DIS3L2: variants seen among roughly 807,000 people sequenced by gnomAD.
DIS3L2 encodes the protein DIS3 like 3'-5' exoribonuclease 2, also known as DIS3-like exonuclease 2.
Under a neutral mutation model 97.5 loss-of-function variants are expected in DIS3L2, and 34 were observed. The observed-to-expected ratio is 0.35, with a 90% CI of 0.27 to 0.46. The LOEUF is 0.46. DIS3L2 is among the 20% of genes least tolerant of loss of function. The probability of loss-of-function intolerance (pLI) is 1.00; values close to 1 mark genes in which losing one functional copy is unlikely to be tolerated. For missense variants in DIS3L2, 1,038 were observed against 1,146.0 expected (o/e 0.91, Z 1.36); for synonymous variants, 435 against 445.2 (o/e 0.98, Z 0.29).
chr2:232,027,217 A>G (rs13390717), intron 4 of DIS3L2, among the ~76,000 whole-genome samples: 2,933 of 152,286 alleles, frequency 0.019, 92 homozygotes, highest in African/African-American at 0.067. Flanking sequence ...TATCCATGTC[A>G]AATATGAACT....
chr2:232,079,549 G>A (rs1249071178), intron 5 of DIS3L2, among the ~76,000 whole-genome samples: 3 of 136,998 alleles, frequency 2.2e-5, no homozygotes, highest in Non-Finnish European at 3.0e-5. Context: ...GCAGTGAGCC[G>A]AGATTGCGCC....
chr2:232,166,134 A>C (rs1356834125), intron 9 of DIS3L2, among the ~76,000 whole-genome samples: 3 of 150,600 alleles, frequency 2.0e-5, no homozygotes, highest in African/African-American at 7.3e-5. Flanking sequence ...AGCCAGGCAC[A>C]GTGGTGTGTG....
intron 13 of DIS3L2, among the ~76,000 whole-genome samples, chr2:232,286,180 C>CT (rs967027337): frequency 2.0e-5 from 3 of 152,118 alleles, no homozygotes; most frequent in South Asian, 2.1e-4. Flanking sequence ...GCCTTGGAAG[C>CT]TTTTTTTCAG....
chr2:232,256,162 G>T (rs187875115), intron 12 of DIS3L2, among the ~76,000 whole-genome samples: 1 of 152,286 alleles, frequency 6.6e-6, no homozygotes, highest in East Asian at 1.9e-4. Flanking sequence ...CCCTTACAAT[G>T]GTAACTTTTT....
At chr2:231,982,571 A>G (rs996831331) in intron 1 of DIS3L2, among the ~76,000 whole-genome samples, 4 of 152,052 alleles carry the variant, frequency 2.6e-5, no homozygotes, top group African/African-American at 4.8e-5. Flanking sequence ...TAGCTCCACT[A>G]TTATATTACC....
At chr2:231,986,943 A>G (rs1325572338) in intron 1 of DIS3L2, among the ~76,000 whole-genome samples, 1 of 152,230 alleles carries the variant, frequency 6.6e-6, no homozygotes, top group Non-Finnish European at 1.5e-5. Flanking sequence ...ATGACTTCAG[A>G]TATTTCATCT....
At chr2:232,197,593 G>A (rs547532793) in intron 9 of DIS3L2, among the ~76,000 whole-genome samples, 4 of 152,142 alleles carry the variant, frequency 2.6e-5, no homozygotes, top group Non-Finnish European at 5.9e-5. Flanking sequence ...GTCAACCACA[G>A]AGAAACTTTT....
intron 13 of DIS3L2, among the ~76,000 whole-genome samples, chr2:232,289,832 T>C (rs1373931996): frequency 1.3e-5 from 2 of 152,192 alleles, no homozygotes; most frequent in African/African-American, 4.8e-5. Flanking sequence ...TGTGGGAGGC[T>C]TCCACAAGGT....
chr2:232,184,331 A>T (rs1691374643), intron 9 of DIS3L2, among the ~76,000 whole-genome samples: 1 of 152,216 alleles, frequency 6.6e-6, no homozygotes, highest in Admixed American at 6.5e-5. Context: ...GGAAAATAAC[A>T]GAAAGAGTGA....
intron 9 of DIS3L2, among the ~76,000 whole-genome samples, chr2:232,206,556 T>C (rs535341294): frequency 2.6e-5 from 4 of 152,312 alleles, no homozygotes; most frequent in African/African-American, 9.6e-5. Flanking sequence ...TTTTAGTCAT[T>C]TAAACATGCA....
At chr2:231,965,296 T>C (rs1349509571) in intron 1 of DIS3L2, among the ~76,000 whole-genome samples, 3 of 152,194 alleles carry the variant, frequency 2.0e-5, no homozygotes, top group Non-Finnish European at 4.4e-5. Context: ...AGCGGTAGTA[T>C]CAGGAATTAC....
intron 7 of DIS3L2, among the ~76,000 whole-genome samples, chr2:232,135,339 T>C (rs1175620928): frequency 6.6e-6 from 1 of 151,824 alleles, no homozygotes; most frequent in East Asian, 1.9e-4. Context: ...AAGGTCTGGG[T>C]GTGGCAGTGC....
chr2:232,029,127 G>T (rs547434703), intron 4 of DIS3L2, among the ~76,000 whole-genome samples: 31 of 152,084 alleles, frequency 2.0e-4, no homozygotes, highest in Non-Finnish European at 4.0e-4. Flanking sequence ...AGAAAAATTT[G>T]AGTGATGATG....
At chr2:232,000,026 G>A (rs552587774) in intron 1 of DIS3L2, among the ~76,000 whole-genome samples, 16 of 151,974 alleles carry the variant, frequency 1.1e-4, no homozygotes, top group African/African-American at 3.9e-4. Context: ...TTAGTTCCAG[G>A]ACTCCTACAG....
chr2:231,977,098 A>G (rs991264195), intron 1 of DIS3L2, among the ~76,000 whole-genome samples: 1 of 152,100 alleles, frequency 6.6e-6, no homozygotes, highest in Non-Finnish European at 1.5e-5. Context: ...AGTGTTGAAT[A>G]CCTCATGTAA....
intron 5 of DIS3L2, among the ~76,000 whole-genome samples, chr2:232,085,714 G>A (rs1407756918): frequency 6.6e-6 from 1 of 152,040 alleles, no homozygotes; most frequent in African/African-American, 2.4e-5. Flanking sequence ...AATAACACCT[G>A]GTGTATTTTA....
intron 12 of DIS3L2, among the ~76,000 whole-genome samples, chr2:232,249,696 A>G (rs1185909251): frequency 6.6e-6 from 1 of 152,230 alleles, no homozygotes; most frequent in African/African-American, 2.4e-5. Flanking sequence ...GCCTGCAGTT[A>G]GGAGAGCAGA....
At chr2:231,971,029 A>G (rs932805094) in intron 1 of DIS3L2, among the ~76,000 whole-genome samples, 2 of 152,190 alleles carry the variant, frequency 1.3e-5, no homozygotes, top group African/African-American at 2.4e-5. Flanking sequence ...TTCCACCTTG[A>G]CATCTTGTCC....
Position 232,263,409 on chromosome 2 carries a change from G to A in DIS3L2, c.1628G>A (p.Arg543His), listed in dbSNP as rs1018058365. ...ATTGCCAAGCAGTTACGCCAGCAGC[G>A]CTTTGTGGACGGCGCACTTCGTTTG... is the stretch of plus-strand genomic sequence containing the variant. Reference protein sequence around the residue: ...HGIAKQLRQQRFVDGALRLDQ... With the variant: ...HGIAKQLRQQHFVDGALRLDQ... The change falls in exon 13 of 21, where the codon CGC becomes CAC. Residue 543 changes from arginine (R) to histidine (H), a missense_variant. By Grantham distance (29) the Arg-to-His change is conservative. Around this residue, in one of 3 missense-constraint regions of DIS3L2, gnomAD observed 813 missense variants for 880.1 expected, o/e 0.92. Coordinates refer to ENST00000325385, the MANE Select transcript of DIS3L2 (RefSeq NM_152383.5). The A allele has an allele frequency of 1.2e-5, 19 of 1,614,024 alleles. No individual in the cohort carries two copies. Among genetic ancestry groups the A allele is most frequent in the East Asian group, 6.7e-5 (3 of 44,880 alleles).
Sources: gnomAD v4.1 joint callset for allele counts (sites outside exome capture counted in the v4.1 genomes callset) on GRCh38, gnomAD v4.1.1 for gene constraint, gnomAD v4.1.1 regional missense constraint, MANE v1.5 for transcripts, NCBI Gene and HGNC (gene_info 2026-07-23, HGNC 2026-07-21) for gene names.